Variants in ZNF516 observed in about 807,000 individuals in gnomAD.
ZNF516 encodes zinc finger protein 516.
In ZNF516, 19 loss-of-function variants were observed where a neutral mutation model predicts 79.7. The observed-to-expected ratio is 0.24, with a 90% CI of 0.17 to 0.35. ZNF516 has a LOEUF of 0.35. ZNF516 is among the 10% of genes least tolerant of loss of function. The probability of loss-of-function intolerance (pLI) is 1.00; values close to 1 mark genes in which losing one functional copy is unlikely to be tolerated. For synonymous variants in ZNF516, 877 were observed against 739.5 expected, an observed-to-expected ratio of 1.19 and a Z score of -3.02; for missense variants, 1,678 against 1,679.5, an observed-to-expected ratio of 1.00 and a Z score of 0.02.
chr18:76,416,222 T>G (rs17059345), intron 3 of ZNF516, among the ~76,000 whole-genome samples: 9,344 of 152,310 alleles, frequency 0.061, 340 homozygotes, highest in Middle Eastern at 0.11. Flanking sequence ...AACCACACTT[T>G]GGTCCTCCTT....
intron 3 of ZNF516, among the ~76,000 whole-genome samples, chr18:76,391,126 T>TA (rs2075066894): frequency 6.6e-6 from 1 of 151,956 alleles, no homozygotes; most frequent in Admixed American, 6.6e-5. Flanking sequence ...AAGAAATCAT[T>TA]AAGGAGGGCT....
rs564526459 is a variant in ZNF516 at position 76,493,138 on chromosome 18, T to C, written c.-272+2006A>G. ...CTCTCCTCCCTACCGTTTCATTTAA[T>C]GGTAAAACAACAGCAGAGCTCTGAA... On this transcript the variant is annotated intron_variant, in intron 1 of 6. Transcript: ENST00000443185. This position sits in a 1 kb window ranked among gnomAD's most constrained non-coding sequence, Gnocchi z 5.2. 76 of 985,196 alleles carry C rather than the reference T, an allele frequency of 7.7e-5. No homozygotes were observed. In the South Asian group the frequency reaches 3.3e-3, roughly 43 times the overall value. 61.0% of individuals were successfully genotyped at this position (985,196 alleles called of 1,614,324 possible). A position where few individuals can be genotyped will look rare whatever the true frequency, so the allele number is the denominator to read the frequency against.
rs780359683 is a variant in ZNF516, at chr18:76,441,335, C to A, written c.1720G>T (p.Ala574Ser). 1.2e-6 allele frequency: 2 copies of A among 1,611,586 alleles called. No individual in the cohort carries two copies. Among genetic ancestry groups the A allele is most frequent in the Non-Finnish European group, 1.7e-6 (2 of 1,179,504 alleles). Reference sequence around the variant, plus strand: ...CCCGGGGAGTCAGCAGCGGCACAGGCGGAGCCAGGGCTGCTGGGCTGGGAG... The same window carrying A: ...CCCGGGGAGTCAGCAGCGGCACAGGAGGAGCCAGGGCTGCTGGGCTGGGAG... Reference protein sequence around the residue: ...SASQPSSPGSACAAADSPGSG... With the variant: ...SASQPSSPGSSCAAADSPGSG... Residue 574 changes from alanine to serine, a missense_variant, in exon 3 of 7, where the codon GCC becomes TCC. By Grantham distance (99) the Ala-to-Ser change is moderately conservative. Around this residue, in one of 5 missense-constraint regions of ZNF516, gnomAD observed 1,294 missense variants for 1,248.3 expected, o/e 1.04. Coordinates refer to ENST00000443185, the MANE Select transcript of ZNF516 (RefSeq NM_014643.4).
chr18:76,436,401 A>C (rs1464857961), intron 3 of ZNF516, among the ~76,000 whole-genome samples: 1 of 152,080 alleles, frequency 6.6e-6, no homozygotes, highest in Non-Finnish European at 1.5e-5. Context: ...CTTGGTCCAC[A>C]ACCTCTTTCT....
At chr18:76,462,662 A>G (rs1288119421) in intron 2 of ZNF516, among the ~76,000 whole-genome samples, 4 of 152,156 alleles carry the variant, frequency 2.6e-5, no homozygotes, top group Non-Finnish European at 5.9e-5. Context: ...AGTGGGTCTT[A>G]CTCATATGCA....
chr18:76,380,442 T>C lies in ZNF516; in HGVS notation c.1811-139A>G, dbSNP rs568903941. Reference sequence around the variant, plus strand: ...GCCACCCTTGAGTCTGGGTGGCTCTTAGAAAACCCCTGAGGAGCCACCCAG... The same window carrying C: ...GCCACCCTTGAGTCTGGGTGGCTCTCAGAAAACCCCTGAGGAGCCACCCAG... On this transcript the variant is annotated intron_variant, in intron 3 of 6. Coordinates refer to ENST00000443185, the MANE Select transcript of ZNF516 (RefSeq NM_014643.4). 33 of 1,138,510 alleles carry C rather than the reference T, an allele frequency of 2.9e-5. 1 individual carries two copies. In the Admixed American group the frequency reaches 3.4e-4, roughly 12 times the overall value. The allele number at this position is 1,138,510 out of a possible 1,614,324, so 70.5% of individuals were successfully genotyped here. A position where few individuals can be genotyped will look rare whatever the true frequency, so the allele number is the denominator to read the frequency against.
intron 1 of ZNF516, among the ~76,000 whole-genome samples, chr18:76,465,400 C>T (rs1008367483): frequency 6.6e-6 from 1 of 152,186 alleles, no homozygotes; most frequent in Non-Finnish European, 1.5e-5. Context: ...GAGAAAGAGG[C>T]CTTTTTAAAA....
At chr18:76,480,529 A>ATATATTTTT (rs374464151) in intron 1 of ZNF516, among the ~76,000 whole-genome samples, 31 of 142,088 alleles carry the variant, frequency 2.2e-4, no homozygotes, top group African/African-American at 5.8e-4. Context: ...ACACACATAT[A>ATATATTTTT]TTTTTTTTTT....
chr18:76,428,924 T>C (rs190279813), intron 3 of ZNF516, among the ~76,000 whole-genome samples: 1 of 152,310 alleles, frequency 6.6e-6, no homozygotes, highest in Admixed American at 6.5e-5. Context: ...GCCCAGGAAA[T>C]GGGAGCTCCT....
chr18:76,492,746 C>T (rs1201461448), intron 1 of ZNF516: 1 of 985,444 alleles, frequency 1.0e-6, no homozygotes, highest in Non-Finnish European at 1.2e-6. Flanking sequence ...TCTTTTCTCC[C>T]CCTTCTGCAG....
chr18:76,391,874 A>G (rs1447172106), intron 3 of ZNF516, among the ~76,000 whole-genome samples: 1 of 152,200 alleles, frequency 6.6e-6, no homozygotes, highest in Non-Finnish European at 1.5e-5. Flanking sequence ...ACCCCATCAG[A>G]CAGAGACAGG....
At chr18:76,469,580 A>G (rs1382083105) in intron 1 of ZNF516, among the ~76,000 whole-genome samples, 1 of 152,188 alleles carries the variant, frequency 6.6e-6, no homozygotes, top group Non-Finnish European at 1.5e-5. Context: ...CACTTTTTAG[A>G]TTAAAGAAAG....
At position 76,442,156 on chromosome 18, in the gene ZNF516, G is replaced by A; in HGVS notation, c.899C>T (p.Pro300Leu). 6.2e-7 allele frequency: 1 copy of A among 1,613,934 alleles called. No individual in the cohort carries two copies. Among genetic ancestry groups the A allele is most frequent in the Non-Finnish European group, 8.5e-7 (1 of 1,179,876 alleles). ...GGGCCTGTTCTTGCTGCCCGTCTTG[G>A]GGCCGTGCGCCTTCATGTGGTTCTT... The part of the protein sequence containing the change: ...FLKNHMKAHG[P>L]KTGSKNRPKS... Residue 300 changes from proline to leucine, a missense_variant, in exon 3 of 7, where the codon CCC (proline) becomes CTC (leucine). By Grantham distance (98) the Pro-to-Leu change is moderately conservative. Around this residue, in one of 5 missense-constraint regions of ZNF516, gnomAD observed 1,294 missense variants for 1,248.3 expected, o/e 1.04. Coordinates refer to ENST00000443185, the MANE Select transcript of ZNF516 (RefSeq NM_014643.4).
Position 76,491,115 on chromosome 18 carries a change from C to T in ZNF516, c.-272+4029G>A, listed in dbSNP as rs947050816. 8.1e-6 allele frequency: 8 copies of T among 981,938 alleles called. No homozygotes were observed. The East Asian group carries it at 8.0e-4, about 98-fold the overall frequency. 60.8% of individuals were successfully genotyped at this position (981,938 alleles called of 1,614,324 possible). On this transcript the variant is annotated intron_variant, in intron 1 of 6. Transcript: ENST00000443185. Reference sequence around the variant, plus strand: ...GGGCCACGCCTTTCCCACCGCCCCACCTCCGCCAGAACAAAGTGAAGTTTA... The same window carrying T: ...GGGCCACGCCTTTCCCACCGCCCCATCTCCGCCAGAACAAAGTGAAGTTTA...
At chr18:76,421,223 T>C (rs1170722671) in intron 3 of ZNF516, among the ~76,000 whole-genome samples, 1 of 152,170 alleles carries the variant, frequency 6.6e-6, no homozygotes, top group Non-Finnish European at 1.5e-5. Flanking sequence ...GGCTGGTGCA[T>C]ATTGGAAAAG....
At position 76,451,187 on chromosome 18, in the gene ZNF516, G is replaced by A. The variant is rs1036395230; in HGVS notation, c.-157-7976C>T. Among the ~76,000 whole-genome samples the A allele has an allele frequency of 1.3e-5, 2 of 152,160 alleles. No individual in the cohort carries two copies. The highest frequency in any genetic ancestry group is 2.9e-5 in the Non-Finnish European group (2 of 68,032). On this transcript the variant is annotated intron_variant, in intron 2 of 6. Transcript: ENST00000443185. This position sits in a 1 kb window ranked among gnomAD's most constrained non-coding sequence, Gnocchi z 6.0. ...TGCTTTCCAAATGCCTATCTAGCTTGGCATTTTTTTCAGTTCTGGTTCATG... is the reference window on the plus strand; with the variant it reads ...TGCTTTCCAAATGCCTATCTAGCTTAGCATTTTTTTCAGTTCTGGTTCATG...
At position 76,441,575 on chromosome 18, in the gene ZNF516, C is replaced by G; in HGVS notation, c.1480G>C (p.Asp494His). Residue 494 changes from aspartate to histidine, a missense_variant, in exon 3 of 7, where the codon GAT becomes CAT. By Grantham distance (81) the Asp-to-His change is moderately conservative. Around this residue, in one of 5 missense-constraint regions of ZNF516, gnomAD observed 1,294 missense variants for 1,248.3 expected, o/e 1.04. Coordinates refer to ENST00000443185, the MANE Select transcript of ZNF516 (RefSeq NM_014643.4). ...PGDPAPAGHL[D>H]PRSAARPNRR... The stretch of plus-strand genomic sequence containing the variant: ...TTGGGGCGCGCGGCCGAGCGGGGAT[C>G]GAGGTGGCCGGCGGGCGCGGGGTCC... 8 of 1,453,258 alleles carry G rather than the reference C, an allele frequency of 5.5e-6. No individual in the cohort carries two copies. Among genetic ancestry groups the G allele is most frequent in the South Asian group, 1.4e-5 (1 of 72,218 alleles). 90.0% of individuals were successfully genotyped at this position (1,453,258 alleles called of 1,614,324 possible). A position where few individuals can be genotyped will look rare whatever the true frequency, so the allele number is the denominator to read the frequency against.
intron 6 of ZNF516, among the ~76,000 whole-genome samples, chr18:76,364,604 G>A (rs1476173836): frequency 6.6e-6 from 1 of 152,206 alleles, no homozygotes; most frequent in Non-Finnish European, 1.5e-5. Flanking sequence ...ACTTCACGAG[G>A]TCCACTTTCT....
intron 3 of ZNF516, among the ~76,000 whole-genome samples, chr18:76,417,359 G>A (rs957037574): frequency 2.6e-5 from 4 of 152,158 alleles, no homozygotes; most frequent in South Asian, 2.1e-4. Context: ...TAAGAACACC[G>A]CCAGGAATCT....
Sources: allele counts gnomAD v4.1 joint callset (sites outside exome capture counted in the v4.1 genomes callset), GRCh38; gene constraint gnomAD v4.1.1; regional missense constraint gnomAD v4.1.1; non-coding constraint Gnocchi (gnomAD v3.1); transcripts MANE v1.5; gene names NCBI Gene and HGNC (gene_info 2026-07-23, HGNC 2026-07-21).